COL24A1: variants seen among roughly 807,000 people sequenced by gnomAD.
COL24A1 encodes collagen alpha-1(XXIV) chain.
COL24A1 carries 224 observed loss-of-function variants against 253.9 expected under a neutral mutation model. The observed-to-expected ratio is 0.88, with a 90% CI of 0.79 to 0.99. COL24A1 has a LOEUF of 0.99. COL24A1 is among the 50% of genes least tolerant of loss of function. The pLI is 0.00. For missense variants in COL24A1, 2,131 were observed against 2,068.5 expected, an observed-to-expected ratio of 1.03 and a Z score of -0.59; for synonymous variants, 685 against 673.7, an observed-to-expected ratio of 1.02 and a Z score of -0.26.
At chr1:85,829,959 C>A (rs911648060) in intron 43 of COL24A1, among the ~76,000 whole-genome samples, 1 of 152,090 alleles carries the variant, frequency 6.6e-6, no homozygotes. Flanking sequence ...TGTTCTGTTG[C>A]TGGTGAGGAA....
rs1478476615 is a variant in COL24A1 at position 86,125,454 on chromosome 1, TATG to T, written c.879_881del (p.Ile294del). 4 of 1,613,578 alleles carry T rather than the reference TATG, an allele frequency of 2.5e-6. No homozygotes were observed. The African/African-American group carries it at 5.3e-5, about 22-fold the overall frequency. On this transcript the variant is annotated inframe_deletion, in exon 3 of 60. Transcript: ENST00000370571. ...TATACACGGTTTCAGAATCATTTTTTATGATATTTGGAATGCTTTTGCCTTCAG... is the reference window on the plus strand; with the variant it reads ...TATACACGGTTTCAGAATCATTTTTTATATTTGGAATGCTTTTGCCTTCAG...
intron 12 of COL24A1, among the ~76,000 whole-genome samples, chr1:86,044,333 T>C (rs1699737409): frequency 6.6e-6 from 1 of 152,198 alleles, no homozygotes; most frequent in Admixed American, 6.5e-5. Flanking sequence ...TTGCCATAAG[T>C]TGACATGTGG....
chr1:85,833,325 CA>C (rs1461052787), intron 43 of COL24A1, among the ~76,000 whole-genome samples: 1 of 152,168 alleles, frequency 6.6e-6, no homozygotes, highest in Non-Finnish European at 1.5e-5. Context: ...AGACACTTCT[CA>C]AAAGAAGACA....
chr1:85,755,665 A>G (rs1416206331), intron 55 of COL24A1, among the ~76,000 whole-genome samples: 1 of 152,178 alleles, frequency 6.6e-6, no homozygotes, highest in Non-Finnish European at 1.5e-5. Context: ...GAAAAATGGA[A>G]TATCCACATG....
chr1:85,933,108 AAG>A (rs869272276), intron 24 of COL24A1, among the ~76,000 whole-genome samples: 16,839 of 96,008 alleles, frequency 0.18, 954 homozygotes, highest in African/African-American at 0.23. Flanking sequence ...AAAAGAAAGA[AAG>A]AAAAAAAAAA....
chr1:85,830,703 CTCTT>C (rs1675128767), intron 43 of COL24A1, among the ~76,000 whole-genome samples: 2 of 152,162 alleles, frequency 1.3e-5, no homozygotes, highest in Admixed American at 6.6e-5. Flanking sequence ...CATCTGTCAC[CTCTT>C]TCTTTGACTA....
chr1:86,123,729 T>C (rs184735788), intron 3 of COL24A1, among the ~76,000 whole-genome samples: 101 of 152,110 alleles, frequency 6.6e-4, no homozygotes, highest in Non-Finnish European at 1.1e-3. Context: ...TGATAATTAA[T>C]TGTCATAGTT....
Position 85,922,854 on chromosome 1 carries a change from T to A in COL24A1, c.2563-11421A>T, listed in dbSNP as rs182176666. Among the ~76,000 whole-genome samples, 33 of 152,296 alleles carry A rather than the reference T, an allele frequency of 2.2e-4. No individual in the cohort carries two copies. In the East Asian group the frequency reaches 6.2e-3, roughly 29 times the overall value. On this transcript the variant is annotated intron_variant, in intron 24 of 59. Coordinates refer to ENST00000370571, the MANE Select transcript of COL24A1 (RefSeq NM_152890.7). ...AATGTAAATGGGCTAAATGCCCCAA[T>A]TAAAAGACACGGACTGGCAAATTGG...
intron 2 of COL24A1, among the ~76,000 whole-genome samples, chr1:86,139,179 AG>A (rs35428893): frequency 1.2e-3 from 174 of 146,358 alleles, no homozygotes; most frequent in African/African-American, 3.9e-3. Flanking sequence ...AGAAGGAGAA[AG>A]GGGGGGGAGA....
chr1:85,890,561 C>G (rs1683013720), intron 31 of COL24A1, among the ~76,000 whole-genome samples: 1 of 151,990 alleles, frequency 6.6e-6, no homozygotes, highest in Non-Finnish European at 1.5e-5. Context: ...AATGTCTATT[C>G]AAGTCCTTTG....
intron 17 of COL24A1, 66 bp from the exon 18 acceptor site, chr1:86,022,359 CA>C: frequency 6.7e-7 from 1 of 1,487,814 alleles, no homozygotes; most frequent in East Asian, 2.3e-5. Context: ...CCACTATTTA[CA>C]AACTGCTAAA....
intron 47 of COL24A1, among the ~76,000 whole-genome samples, chr1:85,799,649 G>C (rs1671225434): frequency 6.6e-6 from 1 of 152,090 alleles, no homozygotes; most frequent in East Asian, 1.9e-4. Flanking sequence ...TCCACAGAGA[G>C]CAGAGACATT....
intron 19 of COL24A1, among the ~76,000 whole-genome samples, chr1:86,005,598 T>C (rs759713550): frequency 6.6e-6 from 1 of 151,612 alleles, no homozygotes; most frequent in Non-Finnish European, 1.5e-5. Flanking sequence ...AGAGAAGAAA[T>C]AACAGACCTT....
chr1:85,833,542 G>C (rs1297388058), intron 43 of COL24A1, among the ~76,000 whole-genome samples: 5 of 152,178 alleles, frequency 3.3e-5, no homozygotes, highest in Non-Finnish European at 5.9e-5. Flanking sequence ...TTCAACCATT[G>C]TGGAAGTCAG....
chr1:86,002,658 C>A (rs1397794653), intron 19 of COL24A1, among the ~76,000 whole-genome samples: 1 of 152,094 alleles, frequency 6.6e-6, no homozygotes, highest in Non-Finnish European at 1.5e-5. Flanking sequence ...ACAAGATGAG[C>A]AAGAGATGGC....
rs1682993959 is a variant in COL24A1, at chr1:85,890,414, T to TTC, written c.2923-802_2923-801insGA. 4.0e-5 allele frequency among the ~76,000 whole-genome samples: 6 copies of TTC among 150,438 alleles called. No homozygotes were observed. The South Asian group carries it at 1.3e-3, about 32-fold the overall frequency. ...ACATCCTTGGCCACACAAATTTTCT[T>TTC]TTTTTTTTTTTAGAACAGCATTCTA... On this transcript the variant is annotated intron_variant, in intron 31 of 59. Transcript: ENST00000370571.
At chr1:85,982,071 G>A (rs970981170) in intron 20 of COL24A1, among the ~76,000 whole-genome samples, 2 of 152,016 alleles carry the variant, frequency 1.3e-5, no homozygotes, top group Non-Finnish European at 2.9e-5. Flanking sequence ...TACAAACAAT[G>A]GAATATTATT....
At chr1:85,821,159 C>A (rs891666072) in intron 45 of COL24A1, among the ~76,000 whole-genome samples, 19 of 152,156 alleles carry the variant, frequency 1.2e-4, no homozygotes, top group African/African-American at 4.6e-4. Flanking sequence ...ACAGTTCACT[C>A]ACATTTGCAT....
intron 31 of COL24A1, among the ~76,000 whole-genome samples, chr1:85,894,062 T>C (rs551027425): frequency 6.6e-6 from 1 of 152,328 alleles, no homozygotes; most frequent in East Asian, 1.9e-4. Context: ...AGTGCATAAA[T>C]GACTAAAAAC....
Sources: gnomAD v4.1 joint callset for allele counts (sites outside exome capture counted in the v4.1 genomes callset) on GRCh38, gnomAD v4.1.1 for gene constraint, MANE v1.5 for transcripts, NCBI Gene and HGNC (gene_info 2026-07-23, HGNC 2026-07-21) for gene names.